The following USP6NL variants were observed in gnomAD, a reference collection of about 807,000 sequenced individuals.
USP6NL encodes USP6 N-terminal-like protein.
USP6NL carries 26 observed loss-of-function variants against 61.9 expected under a neutral mutation model. The observed-to-expected ratio is 0.42, with a 90% CI of 0.31 to 0.58. USP6NL has a LOEUF of 0.58. USP6NL is among the 20% of genes least tolerant of loss of function. The pLI is 0.16. For missense variants in USP6NL, 1,114 were observed against 1,034.3 expected (o/e 1.08, Z -1.06); for synonymous variants, 432 against 390.1 (o/e 1.11, Z -1.27).
chr10:11,560,426 T>C (rs1322567270), intron 2 of USP6NL, among the ~76,000 whole-genome samples: 1 of 152,060 alleles, frequency 6.6e-6, no homozygotes, highest in Non-Finnish European at 1.5e-5. Context: ...AATGATCAAC[T>C]TGTCAGCAAA....
intron 6 of USP6NL, among the ~76,000 whole-genome samples, chr10:11,503,527 A>C (rs10508423): frequency 0.011 from 1,601 of 152,332 alleles, 22 homozygotes; most frequent in African/African-American, 0.032. Context: ...TAAAATTAAA[A>C]ATCAGGTACA....
At chr10:11,583,812 G>C in intron 2 of USP6NL, among the ~76,000 whole-genome samples, 1 of 152,138 alleles carries the variant, frequency 6.6e-6, no homozygotes, top group East Asian at 1.9e-4. Context: ...CAGATCACCT[G>C]AGGTCAGGAG....
At position 11,510,344 on chromosome 10, in the gene USP6NL, A is replaced by AT. The variant is rs1305597198; in HGVS notation, c.196-670dup. ...TGATCCCAAAATGAGGAACAGAGAG[A>AT]TTATTAGGGTTTGTTTTTTTTTAAT... On this transcript the variant is annotated intron_variant, in intron 5 of 14. Transcript: ENST00000609104. This position sits in a 1 kb window ranked among gnomAD's most constrained non-coding sequence, Gnocchi z 4.8. Among the ~76,000 whole-genome samples, 1 of 152,110 alleles carries AT rather than the reference A, an allele frequency of 6.6e-6. No homozygotes were observed. Among genetic ancestry groups the AT allele is most frequent in the African/African-American group, 2.4e-5 (1 of 41,412 alleles).
rs1407655306 is a variant in USP6NL, at chr10:11,540,529, A to C, written c.5-12962T>G. ...CTTTCCCAGCTCATTCAGAATTGCA[A>C]GTATGTGCAGTTATATGCACTACAA... On this transcript the variant is annotated intron_variant, in intron 2 of 14. Transcript: ENST00000609104. The surrounding 1 kb of genome is among the most constrained non-coding windows in gnomAD (Gnocchi z 5.0). Among the ~76,000 whole-genome samples the C allele has an allele frequency of 6.6e-6, 1 of 152,220 alleles. No homozygotes were observed. The highest frequency in any genetic ancestry group is 1.5e-5 in the Non-Finnish European group (1 of 68,032).
chr10:11,573,878 G>A (rs1003865454), intron 2 of USP6NL: 4 of 382,142 alleles, frequency 1.0e-5, no homozygotes, highest in African/African-American at 8.3e-5. Context: ...GTATCTTCTT[G>A]AAATGATGGA....
chr10:11,484,788 T>C (rs937308650), intron 13 of USP6NL, among the ~76,000 whole-genome samples, 183 bp downstream of exon 13: 2 of 152,192 alleles, frequency 1.3e-5, no homozygotes, highest in African/African-American at 4.8e-5. Flanking sequence ...AGTAAGCTTC[T>C]AGTCATGAGA....
chr10:11,568,216 G>A (rs1458491995), intron 2 of USP6NL, among the ~76,000 whole-genome samples: 1 of 151,832 alleles, frequency 6.6e-6, no homozygotes, highest in Non-Finnish European at 1.5e-5. Context: ...ACATAGGGAG[G>A]CATTATGAAT....
chr10:11,527,810 T>C (rs1289280076), intron 2 of USP6NL, among the ~76,000 whole-genome samples: 2 of 152,182 alleles, frequency 1.3e-5, no homozygotes, highest in Admixed American at 1.3e-4. Context: ...AATCTTATCC[T>C]TCATGAATCA....
In USP6NL at chr10:11,489,050, TCTA is replaced by T. The variant is rs1833598418; in HGVS notation, c.664+49_664+51del. 4 of 1,597,356 alleles carry T rather than the reference TCTA, an allele frequency of 2.5e-6. No individual in the cohort carries two copies. The highest frequency in any genetic ancestry group is 3.4e-5 in the Admixed American group (2 of 58,548). The stretch of plus-strand genomic sequence containing the variant: ...GCAAGCATCTTTGGTTTTGTTTTAA[TCTA>T]CTTTTTTCCCTACCTTGATTGTTTA... On this transcript the variant is annotated intron_variant, in intron 10 of 14. Transcript: ENST00000609104. The surrounding 1 kb of genome is among the most constrained non-coding windows in gnomAD (Gnocchi z 5.7).
In USP6NL at chr10:11,478,689, G is replaced by A. The variant is rs113981446; in HGVS notation, c.1078+3081C>T. ...GGAGGCTGAGGTGGGCAGATTGCTTGAGTCCAGGAGTCTGAGACCAGCCTG... is the reference window on the plus strand; with the variant it reads ...GGAGGCTGAGGTGGGCAGATTGCTTAAGTCCAGGAGTCTGAGACCAGCCTG... On this transcript the variant is annotated intron_variant, in intron 14 of 14. Transcript: ENST00000609104. This position sits in a 1 kb window ranked among gnomAD's most constrained non-coding sequence, Gnocchi z 6.8. 2.4e-4 allele frequency among the ~76,000 whole-genome samples: 36 copies of A among 152,252 alleles called. No homozygotes were observed. The highest frequency in any genetic ancestry group is 7.2e-4 in the African/African-American group (30 of 41,550).
At chr10:11,605,665 T>C (rs1344852254) in intron 1 of USP6NL, among the ~76,000 whole-genome samples, 2 of 152,052 alleles carry the variant, frequency 1.3e-5, no homozygotes, top group African/African-American at 4.8e-5. Flanking sequence ...GCAAAGCATA[T>C]CTGAAAAATA....
In USP6NL at chr10:11,493,766, C is replaced by T. The variant is rs1034418792; in HGVS notation, c.385-538G>A. ...TGTCTGCTGCTCCTGCCTGTGCGGC[C>T]GGACCTCTGGGCCTGTTCCTGCCTG... On this transcript the variant is annotated intron_variant, in intron 7 of 14. Transcript: ENST00000609104. Among the ~76,000 whole-genome samples the T allele has an allele frequency of 4.0e-5, 6 of 151,354 alleles. No individual in the cohort carries two copies. In the South Asian group the frequency reaches 8.3e-4, roughly 21 times the overall value.
Position 11,462,413 on chromosome 10 carries a change from C to G in USP6NL, c.*28G>C. 1 of 1,598,216 alleles carries G rather than the reference C, an allele frequency of 6.3e-7. No individual in the cohort carries two copies. The highest frequency in any genetic ancestry group is 8.5e-7 in the Non-Finnish European group (1 of 1,172,156). On this transcript the variant is annotated 3_prime_UTR_variant, in exon 15 of 15. Transcript: ENST00000609104. ...AATGTAGGTTTCACGTGGTTTCTCT[C>G]TCGTCTTTAGCAAGTACACGTCAAA...
intron 2 of USP6NL, among the ~76,000 whole-genome samples, chr10:11,570,915 T>C (rs143985196): frequency 1.2e-3 from 176 of 152,298 alleles, no homozygotes; most frequent in African/African-American, 4.0e-3. Context: ...CCAGGTTACA[T>C]TGTCTTAACT....
At position 11,518,504 on chromosome 10, in the gene USP6NL, T is replaced by C; in HGVS notation, c.195+31A>G. 1 of 1,599,678 alleles carries C rather than the reference T, an allele frequency of 6.3e-7. No homozygotes were observed. Among genetic ancestry groups the C allele is most frequent in the Non-Finnish European group, 8.5e-7 (1 of 1,169,844 alleles). On this transcript the variant is annotated intron_variant, in intron 5 of 14. Coordinates refer to ENST00000609104, the MANE Select transcript of USP6NL (RefSeq NM_014688.5). The surrounding 1 kb of genome is among the most constrained non-coding windows in gnomAD (Gnocchi z 5.3). Reference sequence around the variant, plus strand: ...TCTTCTAATAAAGGCAATTCACCAGTAACTGTAAATACATCAAGAGCAGGA... The same window carrying C: ...TCTTCTAATAAAGGCAATTCACCAGCAACTGTAAATACATCAAGAGCAGGA...
intron 7 of USP6NL, among the ~76,000 whole-genome samples, chr10:11,498,711 G>T (rs1390110127): frequency 6.6e-6 from 1 of 151,918 alleles, no homozygotes; most frequent in South Asian, 2.1e-4. Flanking sequence ...AAACTAATCA[G>T]ATCCAAATTG....
chr10:11,582,801 C>T (rs992987226), intron 2 of USP6NL, among the ~76,000 whole-genome samples: 6 of 151,890 alleles, frequency 4.0e-5, no homozygotes, highest in Non-Finnish European at 7.4e-5. Context: ...CAAAGCTTCA[C>T]AAACACGGGA....
At chr10:11,466,577 A>G (rs549955705) in intron 14 of USP6NL, among the ~76,000 whole-genome samples, 113 of 152,334 alleles carry the variant, frequency 7.4e-4, no homozygotes, top group African/African-American at 2.7e-3. Flanking sequence ...AAAACCTAGC[A>G]TATTTCCCGA....
rs1288826102 is a variant in USP6NL at position 11,489,225 on chromosome 10, G to A, written c.544-3C>T. ...ATCCCCTGACAATACCCGACTTCCT[G>A]GGGAGCAAAGGGGAACACAGAAGCT... On this transcript the variant is annotated splice_polypyrimidine_tract_variant and splice_region_variant and intron_variant, in intron 9 of 14. Coordinates refer to ENST00000609104, the MANE Select transcript of USP6NL (RefSeq NM_014688.5). The surrounding 1 kb of genome is among the most constrained non-coding windows in gnomAD (Gnocchi z 5.7). The A allele has an allele frequency of 1.2e-6, 2 of 1,613,530 alleles. No homozygotes were observed. The highest frequency in any genetic ancestry group is 1.7e-6 in the Non-Finnish European group (2 of 1,179,616).
Sources: allele counts gnomAD v4.1 joint callset (sites outside exome capture counted in the v4.1 genomes callset), GRCh38; gene constraint gnomAD v4.1.1; non-coding constraint Gnocchi (gnomAD v3.1); transcripts MANE v1.5; gene names NCBI Gene and HGNC (gene_info 2026-07-23, HGNC 2026-07-21).